The following WDTC1 variants were observed in gnomAD, a reference collection of about 807,000 sequenced individuals.
WDTC1 encodes WD and tetratricopeptide repeats protein 1.
WDTC1 carries 12 observed loss-of-function variants against 76.0 expected under a neutral mutation model. The ratio of observed to expected loss-of-function variants is 0.16; its 90% CI spans 0.10 to 0.26. The LOEUF (loss-of-function observed/expected upper bound fraction) is 0.26. Among genes scored for constraint, WDTC1 ranks in the 10% least tolerant of loss-of-function variants. The pLI, the probability that WDTC1 is intolerant of heterozygous loss-of-function variation, is 1.00. For synonymous variants in WDTC1, 326 were observed against 350.8 expected (o/e 0.93, Z 0.79); for missense variants, 511 against 908.8 (o/e 0.56, Z 5.63).
At chr1:27,294,718 C>G (rs1212771364) in intron 9 of WDTC1, 89 bp downstream of exon 9, 3 of 1,054,934 alleles carry the variant, frequency 2.8e-6, no homozygotes, top group African/African-American at 3.1e-5. Context: ...CTGAGGCAGA[C>G]AAGACACAAC....
chr1:27,244,323 T>C (rs2011737088), intron 1 of WDTC1, among the ~76,000 whole-genome samples: 1 of 141,754 alleles, frequency 7.1e-6, no homozygotes, highest in African/African-American at 2.7e-5. Context: ...TTATGCTCTT[T>C]CTTTCTTTTG....
chr1:27,265,945 T>C (rs370434649), intron 3 of WDTC1, among the ~76,000 whole-genome samples: 1 of 151,744 alleles, frequency 6.6e-6, no homozygotes, highest in African/African-American at 2.4e-5. Context: ...CAAAACTCCA[T>C]CTCAGAAAAA....
chr1:27,289,169 C>G (rs541829098), intron 6 of WDTC1, among the ~76,000 whole-genome samples: 3 of 144,944 alleles, frequency 2.1e-5, no homozygotes, highest in South Asian at 2.2e-4. Context: ...GCAGAGGCGC[C>G]CCTCACCTCC....
Position 27,308,161 on chromosome 1 carries a change from T to TG in WDTC1, c.*1783dup, listed in dbSNP as rs2014002234. ...GAGACACATAAGCCTTACTGTCCTCTGGGGGCAGGAGCCGAGCCTTTTTGT... is the reference window on the plus strand; with the variant it reads ...GAGACACATAAGCCTTACTGTCCTCTGGGGGGCAGGAGCCGAGCCTTTTTGT... On this transcript the variant is annotated 3_prime_UTR_variant, in exon 16 of 16. Coordinates refer to ENST00000319394, the MANE Select transcript of WDTC1 (RefSeq NM_001276252.2). 6.6e-6 allele frequency: 1 copy of TG among 150,732 alleles called. No homozygotes were observed. Among genetic ancestry groups the TG allele is most frequent in the Non-Finnish European group, 1.5e-5 (1 of 67,658 alleles). The allele number at this position is 150,732 out of a possible 1,614,324, so 9.3% of individuals were successfully genotyped here. A position where few individuals can be genotyped will look rare whatever the true frequency, so the allele number is the denominator to read the frequency against.
At position 27,254,765 on chromosome 1, in the gene WDTC1, T is replaced by A. The variant is rs886592157; in HGVS notation, c.-99-6191T>A. 7.9e-5 allele frequency among the ~76,000 whole-genome samples: 12 copies of A among 152,220 alleles called. 1 individual carries two copies. The East Asian group carries it at 2.3e-3, about 30-fold the overall frequency. On this transcript the variant is annotated intron_variant, in intron 1 of 15. Coordinates refer to ENST00000319394, the MANE Select transcript of WDTC1 (RefSeq NM_001276252.2). Reference sequence around the variant, plus strand: ...CTCCTGCCTCAGCCTCCCCAGTAGCTGGGATTACAGGCATGCACCACCACG... The same window carrying A: ...CTCCTGCCTCAGCCTCCCCAGTAGCAGGGATTACAGGCATGCACCACCACG...
At chr1:27,243,570 ACT>A (rs1014628507) in intron 1 of WDTC1, among the ~76,000 whole-genome samples, 40 of 151,222 alleles carry the variant, frequency 2.6e-4, no homozygotes, top group African/African-American at 9.2e-4. Context: ...GTATAGGTTG[ACT>A]CTCTGTCTAA....
intron 8 of WDTC1, 150 bp from the exon 9 acceptor site, chr1:27,294,364 T>A: frequency 1.4e-6 from 1 of 712,938 alleles, no homozygotes; most frequent in Non-Finnish European, 2.3e-6. Context: ...ATAAAGCAAC[T>A]AGCCCAGTGC....
At chr1:27,250,116 A>G (rs1041130763) in intron 1 of WDTC1, among the ~76,000 whole-genome samples, 5 of 152,182 alleles carry the variant, frequency 3.3e-5, no homozygotes, top group African/African-American at 1.2e-4. Context: ...ACCAGGTTTT[A>G]GTAGAATTCA....
chr1:27,301,785 G>T lies in WDTC1; in HGVS notation c.1468+324G>T, dbSNP rs1390930676. 1.3e-5 allele frequency among the ~76,000 whole-genome samples: 2 copies of T among 152,230 alleles called. No individual in the cohort carries two copies. The highest frequency in any genetic ancestry group is 1.3e-4 in the Admixed American group (2 of 15,288). On this transcript the variant is annotated intron_variant, in intron 13 of 15. Coordinates refer to ENST00000319394, the MANE Select transcript of WDTC1 (RefSeq NM_001276252.2). This position sits in a 1 kb window ranked among gnomAD's most constrained non-coding sequence, Gnocchi z 5.8. ...AGGCTCCCGCTAGGCATTCACACCT[G>T]CTTAGACAGGGCCCTGGTGGTTCCA...
At chr1:27,295,294 AAT>A (rs2013653222) in intron 9 of WDTC1, among the ~76,000 whole-genome samples, 1 of 152,206 alleles carries the variant, frequency 6.6e-6, no homozygotes, top group African/African-American at 2.4e-5. Flanking sequence ...GCAAGGCCCA[AAT>A]ATATACAAAT....
chr1:27,259,134 C>G (rs2012387462), intron 1 of WDTC1, among the ~76,000 whole-genome samples: 1 of 151,900 alleles, frequency 6.6e-6, no homozygotes, highest in Non-Finnish European at 1.5e-5. Context: ...CCAAAGAGAG[C>G]TATTGTTTTC....
chr1:27,305,279 AGCCACCC>A lies in WDTC1; in HGVS notation c.1836+87_1836+93del. On this transcript the variant is annotated intron_variant, in intron 15 of 15. Coordinates refer to ENST00000319394, the MANE Select transcript of WDTC1 (RefSeq NM_001276252.2). This position sits in a 1 kb window ranked among gnomAD's most constrained non-coding sequence, Gnocchi z 4.6. ...CCTGCTAGCGCAGGGAAGAGAAATG[AGCCACCC>A]AGAGGCTAGAAGCTGCTAAGTAAGC... The A allele has an allele frequency of 6.8e-7, 1 of 1,463,280 alleles. No individual in the cohort carries two copies. The highest frequency in any genetic ancestry group is 9.1e-7 in the Non-Finnish European group (1 of 1,100,562). 90.6% of individuals were successfully genotyped at this position (1,463,280 alleles called of 1,614,324 possible). A position where few individuals can be genotyped will look rare whatever the true frequency, so the allele number is the denominator to read the frequency against.
intron 1 of WDTC1, among the ~76,000 whole-genome samples, chr1:27,240,694 G>A (rs369042294): frequency 6.6e-6 from 1 of 152,062 alleles, no homozygotes; most frequent in African/African-American, 2.4e-5. Flanking sequence ...TTTTAAGCCT[G>A]GGCTGGGCGC....
chr1:27,238,808 G>A lies in WDTC1; in HGVS notation c.-100+3857G>A, dbSNP rs576955141. ...TTGAACTCCTGACCTCAGGTGATCC[G>A]CCCGCCTCAGCCTCCCAAAGTGCTG... On this transcript the variant is annotated intron_variant, in intron 1 of 15. Coordinates refer to ENST00000319394, the MANE Select transcript of WDTC1 (RefSeq NM_001276252.2). Among the ~76,000 whole-genome samples, 13 of 151,914 alleles carry A rather than the reference G, an allele frequency of 8.6e-5. No individual in the cohort carries two copies. The East Asian group carries it at 1.6e-3, about 18-fold the overall frequency.
intron 1 of WDTC1, among the ~76,000 whole-genome samples, chr1:27,240,849 T>A: frequency 6.6e-6 from 1 of 151,500 alleles, no homozygotes; most frequent in Non-Finnish European, 1.5e-5. Flanking sequence ...GTGGCGGGTG[T>A]CTGTAGTCCC....
intron 3 of WDTC1, among the ~76,000 whole-genome samples, chr1:27,281,262 G>A (rs2147959208): frequency 6.6e-6 from 1 of 151,986 alleles, no homozygotes; most frequent in African/African-American, 2.4e-5. Flanking sequence ...GACCATCCTG[G>A]CTAACACGGT....
chr1:27,293,012 A>G lies in WDTC1; in HGVS notation c.662+615A>G, dbSNP rs1365841162. 4.1e-5 allele frequency among the ~76,000 whole-genome samples: 6 copies of G among 146,944 alleles called. No individual in the cohort carries two copies. The East Asian group carries it at 1.1e-3, about 26-fold the overall frequency. ...GGTGATCTGCCCGCCTCGGCCTCCC[A>G]AAGTGTTGGGATTACAGACGTCAGC... On this transcript the variant is annotated intron_variant, in intron 7 of 15. Coordinates refer to ENST00000319394, the MANE Select transcript of WDTC1 (RefSeq NM_001276252.2).
intron 12 of WDTC1, among the ~76,000 whole-genome samples, chr1:27,300,623 ACT>A (rs1048547821): frequency 6.6e-6 from 1 of 151,378 alleles, no homozygotes; most frequent in African/African-American, 2.4e-5. Context: ...CAGAGAGCTG[ACT>A]CTGCCAGACT....
intron 7 of WDTC1, among the ~76,000 whole-genome samples, chr1:27,293,150 A>G (rs1484698125): frequency 6.6e-6 from 1 of 151,758 alleles, no homozygotes; most frequent in Non-Finnish European, 1.5e-5. Flanking sequence ...AGTATAAATT[A>G]GGCCGGGCGT....
Sources: gnomAD v4.1 joint callset for allele counts (sites outside exome capture counted in the v4.1 genomes callset) on GRCh38, gnomAD v4.1.1 for gene constraint, Gnocchi (gnomAD v3.1) non-coding constraint, MANE v1.5 for transcripts, NCBI Gene and HGNC (gene_info 2026-07-23, HGNC 2026-07-21) for gene names.